Variants in VWA8 observed in about 807,000 individuals in gnomAD.
VWA8 encodes the protein von Willebrand factor A domain containing 8.
VWA8 carries 221 observed loss-of-function variants against 241.5 expected under a neutral mutation model. That is an observed-to-expected ratio of 0.91 (90% CI 0.82 to 1.02). The LOEUF (loss-of-function observed/expected upper bound fraction) is 1.02, where lower values mean the gene tolerates loss of function less well. Among genes scored for constraint, VWA8 ranks in the 50% least tolerant of loss-of-function variants. The pLI, the probability that VWA8 is intolerant of heterozygous loss-of-function variation, is 0.00. For synonymous variants in VWA8, 852 were observed against 827.1 expected (o/e 1.03, Z -0.52); for missense variants, 2,322 against 2,328.7 (o/e 1.00, Z 0.06).
chr13:41,672,336 A>G (rs1221914653), intron 36 of VWA8, among the ~76,000 whole-genome samples: 2 of 152,186 alleles, frequency 1.3e-5, no homozygotes, highest in Non-Finnish European at 2.9e-5. Context: ...TTTCTAGGAA[A>G]GCAAATTTGT....
At chr13:41,831,076 T>G (rs1871431702) in intron 13 of VWA8, among the ~76,000 whole-genome samples, 1 of 152,172 alleles carries the variant, frequency 6.6e-6, no homozygotes, top group Admixed American at 6.5e-5. Context: ...AATACAAAAA[T>G]CTTATAATGA....
intron 9 of VWA8, among the ~76,000 whole-genome samples, chr13:41,869,215 T>C (rs1475215112): frequency 6.6e-6 from 1 of 152,152 alleles, no homozygotes; most frequent in South Asian, 2.1e-4. Context: ...ACAGAACTTC[T>C]TGGCCATCAT....
intron 14 of VWA8, among the ~76,000 whole-genome samples, chr13:41,819,631 C>T (rs939836829): frequency 1.3e-5 from 2 of 152,182 alleles, no homozygotes; most frequent in African/African-American, 2.4e-5. Context: ...AACTCCAGCC[C>T]TGACACGAAC....
intron 37 of VWA8, among the ~76,000 whole-genome samples, chr13:41,619,186 T>C (rs1025363831): frequency 7.2e-5 from 11 of 152,214 alleles, no homozygotes; most frequent in Non-Finnish European, 2.9e-5. Context: ...GTCCTTCACA[T>C]CCCTTGTAAG....
At chr13:41,822,134 C>A (rs1468227551) in intron 14 of VWA8, among the ~76,000 whole-genome samples, 6 of 152,018 alleles carry the variant, frequency 3.9e-5, no homozygotes, top group Non-Finnish European at 7.4e-5. Context: ...TCAAACTGTG[C>A]ATTTTAAATA....
intron 42 of VWA8, among the ~76,000 whole-genome samples, chr13:41,584,882 G>A (rs558581253): frequency 6.6e-6 from 1 of 152,252 alleles, no homozygotes; most frequent in Non-Finnish European, 1.5e-5. Flanking sequence ...ACAGAGGCAC[G>A]TGTGAAGAAG....
chr13:41,865,764 T>C lies in VWA8; in HGVS notation c.1397A>G (p.Tyr466Cys). 1 of 1,614,162 alleles carries C rather than the reference T, an allele frequency of 6.2e-7. No homozygotes were observed. The change falls in exon 12 of 45, where the codon TAC (tyrosine) becomes TGC (cysteine). Residue 466 changes from tyrosine to cysteine, a missense_variant. Tyr to Cys is a radical substitution (Grantham distance 194). Transcript: ENST00000379310. ...IAKNFADTLG[Y>C]NIEPIMLYQD... ...ATAGAGCATAATAGGTTCTATGTTGTATCCTAAGGTATCGGCAAAGTTCTT... is the reference window on the plus strand; with the variant it reads ...ATAGAGCATAATAGGTTCTATGTTGCATCCTAAGGTATCGGCAAAGTTCTT...
chr13:41,639,710 T>C (rs956238605), intron 37 of VWA8, among the ~76,000 whole-genome samples: 119 of 152,268 alleles, frequency 7.8e-4, no homozygotes, highest in Non-Finnish European at 1.0e-4. Context: ...GAACAAAGGG[T>C]TTCATTGAGT....
chr13:41,825,240 ATG>A (rs1361370722), intron 14 of VWA8, among the ~76,000 whole-genome samples: 2 of 152,238 alleles, frequency 1.3e-5, no homozygotes, highest in Non-Finnish European at 1.5e-5. Flanking sequence ...GAATGAAGTA[ATG>A]CTAACACTCA....
intron 9 of VWA8, among the ~76,000 whole-genome samples, chr13:41,868,877 G>A (rs1333093089): frequency 1.2e-5 from 1 of 85,356 alleles, no homozygotes; most frequent in Non-Finnish European, 2.1e-5. Context: ...AAAACGGCAA[G>A]ACTCCGTCTC....
chr13:41,730,660 A>C (rs1463551042), intron 22 of VWA8, among the ~76,000 whole-genome samples: 1 of 152,168 alleles, frequency 6.6e-6, no homozygotes, highest in African/African-American at 2.4e-5. Context: ...AAGCTAGAGA[A>C]AACTCTTAAA....
chr13:41,573,807 A>G (rs1454505950), intron 43 of VWA8, among the ~76,000 whole-genome samples: 12 of 151,194 alleles, frequency 7.9e-5, no homozygotes, highest in Admixed American at 3.9e-4. Flanking sequence ...TTTTTGGTAG[A>G]GATGGGATTT....
In VWA8 at chr13:41,688,739, T is replaced by C. The variant is rs533408422; in HGVS notation, c.4131+615A>G. On this transcript the variant is annotated intron_variant, in intron 34 of 44. Coordinates refer to ENST00000379310, the MANE Select transcript of VWA8 (RefSeq NM_015058.2). ...CTTTACACAGGAACAAAAAACCAAA[T>C]ATCACATGTTCTCACAAGTGGGAGC... 9.3e-4 allele frequency among the ~76,000 whole-genome samples: 141 copies of C among 152,084 alleles called. 1 individual carries two copies. The highest frequency in any genetic ancestry group is 1.3e-3 in the Non-Finnish European group (89 of 67,974).
In VWA8 at chr13:41,907,699, G is replaced by A. The variant is rs1287561806; in HGVS notation, c.373-3C>T. Reference sequence around the variant, plus strand: ...TCGACCTCCCGTTTGGTCAGCTCCTGTAGAGAAGAGAATGAAATTATTCCA... The same window carrying A: ...TCGACCTCCCGTTTGGTCAGCTCCTATAGAGAAGAGAATGAAATTATTCCA... On this transcript the variant is annotated splice_polypyrimidine_tract_variant and splice_region_variant and intron_variant, in intron 3 of 44. Coordinates refer to ENST00000379310, the MANE Select transcript of VWA8 (RefSeq NM_015058.2). The A allele has an allele frequency of 1.2e-6, 2 of 1,610,460 alleles. No individual in the cohort carries two copies. Among genetic ancestry groups the A allele is most frequent in the African/African-American group, 1.3e-5 (1 of 74,844 alleles).
At position 41,932,245 on chromosome 13, in the gene VWA8, G is replaced by C. The variant is rs149912954; in HGVS notation, c.241+17691C>G. On this transcript the variant is annotated intron_variant, in intron 2 of 44. Coordinates refer to ENST00000379310, the MANE Select transcript of VWA8 (RefSeq NM_015058.2). Reference sequence around the variant, plus strand: ...ATGAACAAAGTCCTTAAAAGAGTCAGCTCCTTTTTTAGTTGACACAATTAG... The same window carrying C: ...ATGAACAAAGTCCTTAAAAGAGTCACCTCCTTTTTTAGTTGACACAATTAG... Among the ~76,000 whole-genome samples, 277 of 152,058 alleles carry C rather than the reference G, an allele frequency of 1.8e-3. 1 individual carries two copies. The highest frequency in any genetic ancestry group is 6.8e-3 in the Middle Eastern group (2 of 292).
chr13:41,712,292 A>G (rs2045323687), intron 26 of VWA8, among the ~76,000 whole-genome samples: 1 of 152,240 alleles, frequency 6.6e-6, no homozygotes, highest in Non-Finnish European at 1.5e-5. Context: ...ATTCAAGGAC[A>G]TGGATACCCC....
At chr13:41,613,511 CTGAGATG>C (rs2044602580) in intron 38 of VWA8, among the ~76,000 whole-genome samples, 1 of 152,116 alleles carries the variant, frequency 6.6e-6, no homozygotes, top group South Asian at 2.1e-4. Context: ...TTCCTAGGTG[CTGAGATG>C]TTATCATTCT....
At chr13:41,943,630 G>C (rs918308775) in intron 2 of VWA8, among the ~76,000 whole-genome samples, 1 of 152,074 alleles carries the variant, frequency 6.6e-6, no homozygotes, top group Non-Finnish European at 1.5e-5. Flanking sequence ...ACATGACAAA[G>C]TACTTGGATC....
intron 12 of VWA8, among the ~76,000 whole-genome samples, chr13:41,849,191 C>A (rs1006744532): frequency 6.6e-6 from 1 of 152,140 alleles, no homozygotes; most frequent in African/African-American, 2.4e-5. Flanking sequence ...GATGTGGATC[C>A]TGAAAAACTG....
Sources: allele counts gnomAD v4.1 joint callset (sites outside exome capture counted in the v4.1 genomes callset), GRCh38; gene constraint gnomAD v4.1.1; transcripts MANE v1.5; gene names NCBI Gene and HGNC (gene_info 2026-07-23, HGNC 2026-07-21).